The following ATXN2 variants were observed in gnomAD, a reference collection of about 807,000 sequenced individuals.
ATXN2 encodes ataxin 2, also known as ataxin-2.
Under a neutral mutation model 138.6 loss-of-function variants are expected in ATXN2, and 37 were observed. The ratio of observed to expected loss-of-function variants is 0.27; its 90% CI spans 0.21 to 0.35. The LOEUF is 0.35. Ranked by LOEUF, ATXN2 falls within the 10% of genes least tolerant of loss-of-function variation. The pLI, the probability that ATXN2 is intolerant of heterozygous loss-of-function variation, is 1.00. For synonymous variants in ATXN2, 549 were observed against 543.7 expected, an observed-to-expected ratio of 1.01 and a Z score of -0.13; for missense variants, 1,216 against 1,480.3, an observed-to-expected ratio of 0.82 and a Z score of 2.93.
chr12:111,503,171 G>T (rs747191078), intron 14 of ATXN2, among the ~76,000 whole-genome samples: 4 of 152,224 alleles, frequency 2.6e-5, no homozygotes, highest in Non-Finnish European at 5.9e-5. Flanking sequence ...CTAAATGAAG[G>T]ACTACAGATA....
intron 21 of ATXN2, among the ~76,000 whole-genome samples, chr12:111,459,535 G>A (rs1875396170): frequency 6.6e-6 from 1 of 152,116 alleles, no homozygotes; most frequent in Admixed American, 6.5e-5. Flanking sequence ...CCGCCTCCCG[G>A]GTTCAAGCGA....
Position 111,516,834 on chromosome 12 carries a change from G to A in ATXN2, c.1166-471C>T, listed in dbSNP as rs1279087541. 1.3e-5 allele frequency among the ~76,000 whole-genome samples: 2 copies of A among 152,074 alleles called. No individual in the cohort carries two copies. The highest frequency in any genetic ancestry group is 2.9e-5 in the Non-Finnish European group (2 of 68,006). Reference sequence around the variant, plus strand: ...GCTATTATATCCAATTAGAAATGCTGGTTCCTTACAATTATCTATGATTTT... The same window carrying A: ...GCTATTATATCCAATTAGAAATGCTAGTTCCTTACAATTATCTATGATTTT... On this transcript the variant is annotated intron_variant, in intron 9 of 24. Coordinates refer to ENST00000673436, the MANE Select transcript of ATXN2 (RefSeq NM_001372574.1). This position sits in a 1 kb window ranked among gnomAD's most constrained non-coding sequence, Gnocchi z 5.0.
intron 1 of ATXN2, among the ~76,000 whole-genome samples, chr12:111,567,973 G>T (rs1883107512): frequency 1.3e-5 from 2 of 152,072 alleles, no homozygotes; most frequent in Admixed American, 1.3e-4. Flanking sequence ...TTCAACAACT[G>T]GGGGAGGCCG....
At chr12:111,514,274 G>A (rs1297798283) in intron 10 of ATXN2, among the ~76,000 whole-genome samples, 1 of 152,134 alleles carries the variant, frequency 6.6e-6, no homozygotes, top group Non-Finnish European at 1.5e-5. Context: ...AGCACTATAT[G>A]AATTGTCAAA....
intron 18 of ATXN2, 141 bp downstream of exon 18, chr12:111,485,124 G>GTAA (rs1461890032): frequency 1.5e-6 from 1 of 684,466 alleles, no homozygotes; most frequent in Non-Finnish European, 2.5e-6. Flanking sequence ...GAATATCTAT[G>GTAA]TAATGTTGTT....
chr12:111,540,506 T>C (rs1881437183), intron 5 of ATXN2, among the ~76,000 whole-genome samples: 1 of 150,626 alleles, frequency 6.6e-6, no homozygotes, highest in Non-Finnish European at 1.5e-5. Flanking sequence ...ACAATCATAT[T>C]CCACTGCTTT....
At position 111,455,834 on chromosome 12, in the gene ATXN2, G is replaced by C. The variant is rs528354581; in HGVS notation, c.3270+195C>G. ...GGAAAACTAAAGGACTGACCAATCA[G>C]CACCTTCACTGATCCCATGACAAAA... On this transcript the variant is annotated intron_variant, in intron 23 of 24. Coordinates refer to ENST00000673436, the MANE Select transcript of ATXN2 (RefSeq NM_001372574.1). The C allele has an allele frequency of 3.5e-4, 227 of 652,664 alleles. 2 individuals carry two copies. In the African/African-American group the frequency reaches 3.6e-3, roughly 10 times the overall value. 40.4% of individuals were successfully genotyped at this position (652,664 alleles called of 1,614,324 possible).
At chr12:111,505,766 CTT>C (rs1454335855) in intron 14 of ATXN2, among the ~76,000 whole-genome samples, 2 of 152,028 alleles carry the variant, frequency 1.3e-5, no homozygotes, top group Non-Finnish European at 2.9e-5. Flanking sequence ...GTGTAGATAT[CTT>C]GGCAAATAGC....
At position 111,598,954 on chromosome 12, in the gene ATXN2, C is replaced by CTGCTGT; in HGVS notation, c.80_81insACAGCA (p.Gln27_Gln28dup). The CTGCTGT allele has an allele frequency of 1.4e-6, 1 of 701,936 alleles. No homozygotes were observed. The highest frequency in any genetic ancestry group is 2.8e-5 in the Admixed American group (1 of 36,214). The allele number at this position is 701,936 out of a possible 1,614,324, so 43.5% of individuals were successfully genotyped here. ...CATTGGCAGCCGCGGGCGGCGGCTG[C>CTGCTGT]TGCTGCTGCTGCTGCTGCTGCTGTT... On this transcript the variant is annotated inframe_insertion, in exon 1 of 25. Transcript: ENST00000673436. This position sits in a 1 kb window ranked among gnomAD's most constrained non-coding sequence, Gnocchi z 4.5.
At chr12:111,484,338 G>A (rs1232216482) in intron 18 of ATXN2, among the ~76,000 whole-genome samples, 4 of 147,864 alleles carry the variant, frequency 2.7e-5, no homozygotes, top group African/African-American at 1.0e-4. Context: ...TGCTGCTCTC[G>A]AACTCATGGG....
chr12:111,579,920 G>A (rs962475147), intron 1 of ATXN2, among the ~76,000 whole-genome samples: 6 of 151,442 alleles, frequency 4.0e-5, no homozygotes, highest in African/African-American at 1.5e-4. Context: ...GGCTGGTCTC[G>A]AACTCCTGAC....
At chr12:111,501,143 T>G (rs1490131301) in intron 14 of ATXN2, among the ~76,000 whole-genome samples, 2 of 152,062 alleles carry the variant, frequency 1.3e-5, no homozygotes, top group East Asian at 3.8e-4. Context: ...ACGTCTACTA[T>G]GTACCCATAA....
intron 1 of ATXN2, among the ~76,000 whole-genome samples, chr12:111,556,594 G>A (rs1882401232): frequency 6.6e-6 from 1 of 152,050 alleles, no homozygotes; most frequent in South Asian, 2.1e-4. Context: ...GAGGTGGGCA[G>A]ATCACAAGGT....
At position 111,485,730 on chromosome 12, in the gene ATXN2, C is replaced by A. The variant is rs766803619; in HGVS notation, c.2440G>T (p.Val814Leu). Residue 814 changes from valine (V) to leucine (L), a missense_variant, in exon 17 of 25, where the codon GTG becomes TTG. By Grantham distance (32) the Val-to-Leu change is conservative. Around this residue, in one of 4 missense-constraint regions of ATXN2, gnomAD observed 490 missense variants for 653.5 expected, o/e 0.75. Coordinates refer to ENST00000673436, the MANE Select transcript of ATXN2 (RefSeq NM_001372574.1). ...FAPNMMYPVP[V>L]SPGVQPLYPI... ...TGACTTACTTGCACGCCTGGGCTCA[C>A]TGGGACTGGATACATCATATTTGGT... 21 of 1,613,922 alleles carry A rather than the reference C, an allele frequency of 1.3e-5. No individual in the cohort carries two copies. The African/African-American group carries it at 2.7e-4, about 21-fold the overall frequency.
chr12:111,585,622 T>C (rs1774917991), intron 1 of ATXN2, among the ~76,000 whole-genome samples: 1 of 151,708 alleles, frequency 6.6e-6, no homozygotes, highest in East Asian at 1.9e-4. Context: ...CTGGCCAAAA[T>C]GGGGAAACCC....
At position 111,464,654 on chromosome 12, in the gene ATXN2, C is replaced by G. The variant is rs781115949; in HGVS notation, c.2896+8G>C. On this transcript the variant is annotated splice_region_variant and intron_variant, in intron 21 of 24. Transcript: ENST00000673436. ...CAATTAAAAATTAGTATAAAAAACC[C>G]AACTCACTGGCAAAGTAGAAAGAAG... 1 of 1,603,956 alleles carries G rather than the reference C, an allele frequency of 6.2e-7. No individual in the cohort carries two copies. Among genetic ancestry groups the G allele is most frequent in the South Asian group, 1.1e-5 (1 of 90,524 alleles).
chr12:111,554,060 C>T (rs1023014349), intron 3 of ATXN2, 98 bp downstream of exon 3: 3 of 788,448 alleles, frequency 3.8e-6, no homozygotes, highest in South Asian at 3.5e-5. Flanking sequence ...ATGATCTAAG[C>T]AATGTTACTT....
Position 111,588,143 on chromosome 12 carries a change from C to T in ATXN2, c.251+10641G>A, listed in dbSNP as rs544214957. 1.0e-3 allele frequency among the ~76,000 whole-genome samples: 154 copies of T among 151,772 alleles called. 1 individual carries two copies. The highest frequency in any genetic ancestry group is 3.3e-3 in the African/African-American group (137 of 41,348). The stretch of plus-strand genomic sequence containing the variant: ...CAGAGGTTGCAGTGAGCCGTATTTG[C>T]AACACTGCACTCCAGCCTTAGCAAC... On this transcript the variant is annotated intron_variant, in intron 1 of 24. Transcript: ENST00000673436.
chr12:111,554,119 C>A, intron 3 of ATXN2, 39 bp downstream of exon 3: 1 of 1,306,864 alleles, frequency 7.7e-7, no homozygotes, highest in Non-Finnish European at 1.0e-6. Flanking sequence ...CTTTATTCTA[C>A]CCCCAAGGCA....
Sources: gnomAD v4.1 joint callset for allele counts (sites outside exome capture counted in the v4.1 genomes callset) on GRCh38, gnomAD v4.1.1 for gene constraint, gnomAD v4.1.1 regional missense constraint, Gnocchi (gnomAD v3.1) non-coding constraint, MANE v1.5 for transcripts, NCBI Gene and HGNC (gene_info 2026-07-23, HGNC 2026-07-21) for gene names.